PTPRK: variants seen among roughly 807,000 people sequenced by gnomAD.
PTPRK encodes protein tyrosine phosphatase receptor type K.
PTPRK carries 75 observed loss-of-function variants against 178.0 expected under a neutral mutation model. The ratio of observed to expected loss-of-function variants is 0.42; its 90% CI spans 0.35 to 0.51. PTPRK has a LOEUF of 0.51. PTPRK is among the 20% of genes least tolerant of loss of function. PTPRK has a pLI of 0.02. For synonymous variants in PTPRK, 637 were observed against 620.6 expected (o/e 1.03, Z -0.39); for missense variants, 1,441 against 1,797.8 (o/e 0.80, Z 3.59).
intron 7 of PTPRK, among the ~76,000 whole-genome samples, chr6:128,133,776 C>G (rs954912798): frequency 1.3e-5 from 2 of 150,816 alleles, no homozygotes; most frequent in Admixed American, 6.6e-5. Context: ...TGTTCTCGAA[C>G]TCTTGGGCTC....
intron 5 of PTPRK, chr6:128,235,704 T>A (rs1813119173): frequency 1.3e-5 from 5 of 396,994 alleles, no homozygotes; most frequent in Non-Finnish European, 2.7e-5. Flanking sequence ...CACTTGTTAG[T>A]CATCGACATT....
chr6:128,245,141 T>C (rs1378066332), intron 3 of PTPRK, among the ~76,000 whole-genome samples: 2 of 152,192 alleles, frequency 1.3e-5, no homozygotes, highest in East Asian at 1.9e-4. Context: ...ATTATTTTCA[T>C]GTTCATTTTA....
intron 13 of PTPRK, among the ~76,000 whole-genome samples, chr6:128,033,666 G>GT (rs1335003814): frequency 6.6e-6 from 1 of 152,148 alleles, no homozygotes; most frequent in Non-Finnish European, 1.5e-5. Flanking sequence ...GAGCCCAGGA[G>GT]TTTGAGATCA....
chr6:128,324,077 C>T (rs148632749), intron 2 of PTPRK, among the ~76,000 whole-genome samples: 178 of 152,180 alleles, frequency 1.2e-3, no homozygotes, highest in African/African-American at 3.8e-3. Flanking sequence ...TTCCTTTCAA[C>T]GAGGACCAGC....
chr6:128,054,980 T>C lies in PTPRK; in HGVS notation c.2194+9778A>G, dbSNP rs138305510. Among the ~76,000 whole-genome samples, 5 of 152,326 alleles carry C rather than the reference T, an allele frequency of 3.3e-5. No homozygotes were observed. In the South Asian group the frequency reaches 1.0e-3, roughly 32 times the overall value. Reference sequence around the variant, plus strand: ...GCTGTGGTGGTGACTGTATGACTTTTATTTCTATCCAAATTAAACCCCTGA... The same window carrying C: ...GCTGTGGTGGTGACTGTATGACTTTCATTTCTATCCAAATTAAACCCCTGA... On this transcript the variant is annotated intron_variant, in intron 13 of 29. Transcript: ENST00000368226.
intron 13 of PTPRK, among the ~76,000 whole-genome samples, chr6:128,051,284 C>A (rs1395545409): frequency 1.3e-5 from 2 of 152,124 alleles, no homozygotes; most frequent in Non-Finnish European, 2.9e-5. Context: ...CTTAATAATT[C>A]TTTCCTAAAT....
chr6:128,439,172 T>C (rs566314764), intron 1 of PTPRK, among the ~76,000 whole-genome samples: 90 of 152,230 alleles, frequency 5.9e-4, no homozygotes, highest in African/African-American at 1.9e-3. Flanking sequence ...AGGAGCAAAA[T>C]TGATTGAACA....
At chr6:128,065,695 A>G (rs1212693011) in intron 12 of PTPRK, among the ~76,000 whole-genome samples, 3 of 152,166 alleles carry the variant, frequency 2.0e-5, no homozygotes, top group Non-Finnish European at 4.4e-5. Flanking sequence ...TTATTTTTAA[A>G]TTAAAATAAA....
intron 3 of PTPRK, among the ~76,000 whole-genome samples, chr6:128,318,686 T>G (rs1210402126): frequency 2.0e-5 from 3 of 152,192 alleles, no homozygotes; most frequent in African/African-American, 7.2e-5. Flanking sequence ...ACAACCTCAC[T>G]GTTCAGTAAG....
intron 15 of PTPRK, 110 bp from the exon 16 acceptor site, chr6:127,999,014 G>T: frequency 1.1e-6 from 1 of 949,200 alleles, no homozygotes; most frequent in Non-Finnish European, 1.5e-6. Flanking sequence ...CTGATAACAA[G>T]AGGAATTCTG....
chr6:128,152,651 G>T (rs1797433525), intron 7 of PTPRK, among the ~76,000 whole-genome samples: 1 of 151,850 alleles, frequency 6.6e-6, no homozygotes, highest in African/African-American at 2.4e-5. Context: ...GGGTGCTCAT[G>T]GAAACAGAAA....
chr6:128,018,494 A>AATTT (rs1447006720), intron 13 of PTPRK, among the ~76,000 whole-genome samples: 1 of 151,354 alleles, frequency 6.6e-6, no homozygotes, highest in African/African-American at 2.4e-5. Context: ...AGGTGGCCTT[A>AATTT]ATTTTTTTTT....
chr6:128,164,188 C>T (rs961121161), intron 7 of PTPRK, among the ~76,000 whole-genome samples: 3 of 151,100 alleles, frequency 2.0e-5, no homozygotes, highest in African/African-American at 7.3e-5. Context: ...AATATCTATA[C>T]CAAGATAAAG....
At chr6:127,988,300 CTTT>C (rs374249275) in intron 21 of PTPRK, among the ~76,000 whole-genome samples, 1 of 117,662 alleles carries the variant, frequency 8.5e-6, no homozygotes. Flanking sequence ...TTATGCTAAC[CTTT>C]TTTTTTTTTT....
intron 7 of PTPRK, among the ~76,000 whole-genome samples, chr6:128,139,698 G>A (rs2114503287): frequency 6.6e-6 from 1 of 152,060 alleles, no homozygotes; most frequent in South Asian, 2.1e-4. Flanking sequence ...TTCATTGCCA[G>A]TTTCTGATGA....
chr6:128,303,904 A>G lies in PTPRK; in HGVS notation c.495+18135T>C, dbSNP rs1016462327. On this transcript the variant is annotated intron_variant, in intron 3 of 29. Transcript: ENST00000368226. ...CATTTAACAATTATTTGAAGTCTAG[A>G]TACCTGTTGAAACAACAGAGTTTAC... Among the ~76,000 whole-genome samples the G allele has an allele frequency of 1.3e-5, 2 of 152,230 alleles. 1 individual carries two copies. Among genetic ancestry groups the G allele is most frequent in the Middle Eastern group, 6.3e-3 (2 of 316 alleles).
At chr6:128,420,066 T>C (rs964974827) in intron 1 of PTPRK, among the ~76,000 whole-genome samples, 2 of 152,204 alleles carry the variant, frequency 1.3e-5, no homozygotes, top group Non-Finnish European at 2.9e-5. Context: ...ATCTACTATA[T>C]TGTGAGTTTA....
chr6:128,198,785 G>C lies in PTPRK; in HGVS notation c.869-14060C>G, dbSNP rs150698618. 9.2e-3 allele frequency among the ~76,000 whole-genome samples: 1,406 copies of C among 152,092 alleles called. 19 individuals are homozygous for C. Among genetic ancestry groups the C allele is most frequent in the African/African-American group, 0.032 (1,326 of 41,490 alleles). ...AGCCTGAAATAAACGCACTTTTTCT[G>C]GTAAGAGATTTACCTATATTTTTTG... is the stretch of plus-strand genomic sequence containing the variant. On this transcript the variant is annotated intron_variant, in intron 6 of 29. Transcript: ENST00000368226.
At position 127,973,031 on chromosome 6, in the gene PTPRK, C is replaced by T. The variant is rs192837057; in HGVS notation, c.4260G>A (p.Val1420=). 1.1e-5 allele frequency: 18 copies of T among 1,613,970 alleles called. No homozygotes were observed. In the African/African-American group the frequency reaches 2.1e-4, roughly 19 times the overall value. Residue 1420 remains valine (V), a synonymous_variant, in exon 29 of 30, where the codon GTG becomes GTA. Coordinates refer to ENST00000368226, the MANE Select transcript of PTPRK (RefSeq NM_002844.4). ...KTLRNSKPNM[V]EAPEQYRFCY... is the part of the protein sequence containing the mutation. ...AGATTCTGTGACTCACCGGGGCTTC[C>T]ACCATGTTTGGCTTGCTGTTCCTCA...
Sources: gnomAD v4.1 joint callset for allele counts (sites outside exome capture counted in the v4.1 genomes callset) on GRCh38, gnomAD v4.1.1 for gene constraint, MANE v1.5 for transcripts, NCBI Gene and HGNC (gene_info 2026-07-23, HGNC 2026-07-21) for gene names.